The following MTUS2 variants were observed in gnomAD, a reference collection of about 807,000 sequenced individuals.
The protein encoded by MTUS2 is microtubule-associated tumor suppressor candidate 2.
MTUS2 carries 40 observed loss-of-function variants against 114.1 expected under a neutral mutation model. That is an observed-to-expected ratio of 0.35 (90% CI 0.27 to 0.46). The LOEUF is 0.46. Ranked by LOEUF, MTUS2 falls within the 20% of genes least tolerant of loss-of-function variation. The pLI is 1.00. For synonymous variants in MTUS2, 688 were observed against 672.0 expected, an observed-to-expected ratio of 1.02 and a Z score of -0.37; for missense variants, 1,679 against 1,705.4, an observed-to-expected ratio of 0.98 and a Z score of 0.27.
intron 2 of MTUS2, among the ~76,000 whole-genome samples, chr13:28,976,571 T>C (rs1012960665): frequency 2.0e-5 from 3 of 152,288 alleles, no homozygotes; most frequent in African/African-American, 7.2e-5. Context: ...GCTGTTGTGA[T>C]AGTCCAGGGA....
At chr13:29,096,926 G>A (rs1039023322) in intron 4 of MTUS2, among the ~76,000 whole-genome samples, 1 of 152,170 alleles carries the variant, frequency 6.6e-6, no homozygotes, top group Admixed American at 6.5e-5. Flanking sequence ...TTGGCTTGCT[G>A]TGCCTGGGGT....
At chr13:28,999,653 A>G (rs907023744) in intron 2 of MTUS2, among the ~76,000 whole-genome samples, 2 of 152,134 alleles carry the variant, frequency 1.3e-5, no homozygotes, top group African/African-American at 4.8e-5. Flanking sequence ...TCTTCTAGCT[A>G]TTTTGTAATA....
chr13:29,320,608 A>T (rs1243153439), intron 6 of MTUS2, among the ~76,000 whole-genome samples: 1 of 152,222 alleles, frequency 6.6e-6, no homozygotes, highest in Non-Finnish European at 1.5e-5. Context: ...ATCCTGGAGG[A>T]TGCTTACCCC....
chr13:29,068,899 A>C (rs1025029324), intron 4 of MTUS2, among the ~76,000 whole-genome samples: 9 of 152,202 alleles, frequency 5.9e-5, no homozygotes, highest in African/African-American at 2.2e-4. Flanking sequence ...GTAGGGTTTA[A>C]GCAAGGGATT....
At chr13:29,321,615 T>G (rs1016918222) in intron 6 of MTUS2, among the ~76,000 whole-genome samples, 3 of 152,216 alleles carry the variant, frequency 2.0e-5, no homozygotes, top group Non-Finnish European at 4.4e-5. Flanking sequence ...TTATCTGTCC[T>G]TATCCTTTTA....
chr13:28,884,726 G>T (rs960107036), intron 2 of MTUS2, among the ~76,000 whole-genome samples: 1 of 152,176 alleles, frequency 6.6e-6, no homozygotes, highest in Non-Finnish European at 1.5e-5. Context: ...TAAGCAGGGT[G>T]TTCTCACTGG....
chr13:28,841,687 T>C (rs1875501706), intron 2 of MTUS2, among the ~76,000 whole-genome samples: 1 of 151,616 alleles, frequency 6.6e-6, no homozygotes, highest in Non-Finnish European at 1.5e-5. Context: ...TTTTTTTTTG[T>C]TTTTTTGTTT....
intron 8 of MTUS2, among the ~76,000 whole-genome samples, chr13:29,374,548 A>G (rs7996896): frequency 0.032 from 4,906 of 152,328 alleles, 250 homozygotes; most frequent in African/African-American, 0.11. Context: ...TTTTCAAAGT[A>G]GTGAAACAAA....
intron 6 of MTUS2, among the ~76,000 whole-genome samples, chr13:29,292,523 G>T (rs1321267857): frequency 6.6e-6 from 1 of 152,154 alleles, no homozygotes; most frequent in Non-Finnish European, 1.5e-5. Context: ...TTGTAATCTA[G>T]TAATTAGAGT....
intron 2 of MTUS2, among the ~76,000 whole-genome samples, chr13:28,871,369 G>A (rs1181366134): frequency 6.6e-6 from 1 of 152,098 alleles, no homozygotes; most frequent in Non-Finnish European, 1.5e-5. Flanking sequence ...TCAGGTGTGG[G>A]CATCTGGACT....
At chr13:29,197,761 G>C (rs192718875) in intron 5 of MTUS2, among the ~76,000 whole-genome samples, 2 of 152,066 alleles carry the variant, frequency 1.3e-5, no homozygotes, top group Admixed American at 1.3e-4. Flanking sequence ...TCCAACTGGC[G>C]TGAGATGGTA....
chr13:29,066,239 G>A (rs1160003835), intron 4 of MTUS2, among the ~76,000 whole-genome samples: 1 of 151,988 alleles, frequency 6.6e-6, no homozygotes, highest in Non-Finnish European at 1.5e-5. Flanking sequence ...CACACCCTGT[G>A]TTTTCTTCAC....
chr13:29,396,316 C>A (rs1873912801), intron 8 of MTUS2, among the ~76,000 whole-genome samples: 1 of 151,970 alleles, frequency 6.6e-6, no homozygotes, highest in South Asian at 2.1e-4. Context: ...AGTTTTCTGG[C>A]ATTTAAATAT....
chr13:29,383,244 G>GTATATATATA (rs1295576309), intron 8 of MTUS2, among the ~76,000 whole-genome samples: 1 of 53,448 alleles, frequency 1.9e-5, no homozygotes. Context: ...GTGTGTGTGT[G>GTATATATATA]TGTGTGTGTA....
chr13:29,122,889 G>T (rs1891369267), intron 5 of MTUS2, among the ~76,000 whole-genome samples: 1 of 152,188 alleles, frequency 6.6e-6, no homozygotes, highest in Non-Finnish European at 1.5e-5. Flanking sequence ...ATCATTCCAG[G>T]AGGGAATTTT....
At chr13:28,960,963 A>AATT (rs749461023) in intron 2 of MTUS2, among the ~76,000 whole-genome samples, 10 of 152,204 alleles carry the variant, frequency 6.6e-5, no homozygotes, top group African/African-American at 1.4e-4. Context: ...GAAAAACCAA[A>AATT]TGGACATTGT....
rs1227085715 is a variant in MTUS2, at chr13:29,324,747, G to T, written c.2905+36G>T. ...AATATGATGTGTTCCTTGGGGGAAT[G>T]ACTTGAACTTGGAATTTATCTTATT... On this transcript the variant is annotated intron_variant, in intron 7 of 15. Coordinates refer to ENST00000612955, the MANE Select transcript of MTUS2 (RefSeq NM_001033602.4). 6.1e-6 allele frequency: 9 copies of T among 1,465,752 alleles called. No homozygotes were observed. The Admixed American group carries it at 1.2e-4, about 19-fold the overall frequency. 90.8% of individuals were successfully genotyped at this position (1,465,752 alleles called of 1,614,324 possible).
intron 2 of MTUS2, among the ~76,000 whole-genome samples, chr13:29,019,829 C>T (rs1886219499): frequency 6.6e-6 from 1 of 152,236 alleles, no homozygotes; most frequent in South Asian, 2.1e-4. Context: ...TTCAGGTTCC[C>T]TGGTGCTACA....
At chr13:29,089,080 A>C (rs1233472034) in intron 4 of MTUS2, among the ~76,000 whole-genome samples, 1 of 152,216 alleles carries the variant, frequency 6.6e-6, no homozygotes, top group East Asian at 1.9e-4. Flanking sequence ...TGTTTTTGCA[A>C]TAGCAGGTAT....
Sources: gnomAD v4.1 joint callset for allele counts (sites outside exome capture counted in the v4.1 genomes callset) on GRCh38, gnomAD v4.1.1 for gene constraint, MANE v1.5 for transcripts, NCBI Gene and HGNC (gene_info 2026-07-23, HGNC 2026-07-21) for gene names.